HMGA2: variants seen among roughly 807,000 people sequenced by gnomAD.
HMGA2 encodes the protein high mobility group protein HMGI-C.
Under a neutral mutation model 19.1 loss-of-function variants are expected in HMGA2, and 8 were observed. The observed-to-expected ratio is 0.42, with a 90% CI of 0.25 to 0.76. The LOEUF is 0.76. HMGA2 is among the 30% of genes least tolerant of loss of function. The pLI is 0.28. For missense variants in HMGA2, 109 were observed against 136.3 expected (o/e 0.80, Z 1.00); for synonymous variants, 60 against 48.8 (o/e 1.23, Z -0.96).
intron 3 of HMGA2, among the ~76,000 whole-genome samples, chr12:65,885,931 T>G (rs114772161): frequency 0.028 from 4,220 of 152,260 alleles, 210 homozygotes; most frequent in African/African-American, 0.097. Context: ...TGCCCACCCC[T>G]TTCCTGGAAA....
intron 3 of HMGA2, among the ~76,000 whole-genome samples, chr12:65,911,811 A>G (rs1874857569): frequency 6.6e-6 from 1 of 152,196 alleles, no homozygotes; most frequent in African/African-American, 2.4e-5. Context: ...ATAAGAACTT[A>G]CCATGGTAAA....
intron 3 of HMGA2, among the ~76,000 whole-genome samples, chr12:65,912,180 T>C (rs1874874886): frequency 6.6e-6 from 1 of 152,220 alleles, no homozygotes; most frequent in South Asian, 2.1e-4. Flanking sequence ...AGGTAAATGA[T>C]AAATATTAAA....
intron 3 of HMGA2, chr12:65,842,676 T>A: frequency 6.5e-7 from 1 of 1,528,554 alleles, no homozygotes; most frequent in South Asian, 1.2e-5. Flanking sequence ...TGAAAAGAAG[T>A]ATTTCTGCTG....
chr12:65,841,565 G>T (rs148752332), intron 3 of HMGA2, among the ~76,000 whole-genome samples: 1 of 152,244 alleles, frequency 6.6e-6, no homozygotes, highest in East Asian at 1.9e-4. Context: ...AAATCATTGC[G>T]TTTTCCATAG....
intron 3 of HMGA2, among the ~76,000 whole-genome samples, chr12:65,914,549 C>T (rs1330604188): frequency 1.3e-5 from 2 of 150,710 alleles, no homozygotes; most frequent in African/African-American, 2.4e-5. Context: ...TGCTAGATGA[C>T]GAGTTAGTGG....
chr12:65,835,222 T>G (rs1404044768), intron 2 of HMGA2, among the ~76,000 whole-genome samples: 1 of 152,226 alleles, frequency 6.6e-6, no homozygotes, highest in African/African-American at 2.4e-5. Flanking sequence ...GTTTTGTTTG[T>G]CTTTTTTGAA....
chr12:65,912,715 G>A (rs905071277), intron 3 of HMGA2, among the ~76,000 whole-genome samples: 14 of 152,122 alleles, frequency 9.2e-5, no homozygotes, highest in Non-Finnish European at 1.8e-4. Flanking sequence ...TCCTGGATTT[G>A]GAATCTATTC....
intron 3 of HMGA2, chr12:65,881,455 T>TA (rs145784257): frequency 0.012 from 5,377 of 465,834 alleles, 244 homozygotes; most frequent in African/African-American, 0.094. Context: ...AAGACTTGGC[T>TA]AAAAAAAACC....
intron 2 of HMGA2, among the ~76,000 whole-genome samples, chr12:65,833,218 T>G (rs1237219538): frequency 6.6e-6 from 1 of 152,120 alleles, no homozygotes; most frequent in Non-Finnish European, 1.5e-5. Context: ...AAATGAGAAT[T>G]TCCTCAGTAC....
chr12:65,878,845 A>G (rs1052289804), intron 3 of HMGA2, among the ~76,000 whole-genome samples: 2 of 152,236 alleles, frequency 1.3e-5, no homozygotes, highest in African/African-American at 4.8e-5. Context: ...AGACTTATTC[A>G]TACTAGTCGA....
intron 3 of HMGA2, chr12:65,914,701 T>G: frequency 3.4e-6 from 1 of 291,720 alleles, no homozygotes; most frequent in Non-Finnish European, 6.7e-6. Context: ...TGAGACGGAG[T>G]CTTGTTTTTG....
At chr12:65,943,625 C>T (rs1472287981) in intron 3 of HMGA2, among the ~76,000 whole-genome samples, 5 of 152,120 alleles carry the variant, frequency 3.3e-5, no homozygotes, top group Non-Finnish European at 7.3e-5. Flanking sequence ...AAATAAAGAA[C>T]ACTTCCCCTC....
chr12:65,839,026 T>G (rs1182480715), intron 3 of HMGA2, among the ~76,000 whole-genome samples: 1 of 146,104 alleles, frequency 6.8e-6, no homozygotes, highest in Non-Finnish European at 1.5e-5. Flanking sequence ...TCTCCATGGC[T>G]TTTGTTTGGA....
chr12:65,889,832 G>C (rs1316281481), intron 3 of HMGA2, among the ~76,000 whole-genome samples: 1 of 152,168 alleles, frequency 6.6e-6, no homozygotes, highest in Non-Finnish European at 1.5e-5. Flanking sequence ...GCTGATGAAT[G>C]AAAGAGCCAG....
chr12:65,867,986 T>C, intron 3 of HMGA2, among the ~76,000 whole-genome samples: 1 of 152,248 alleles, frequency 6.6e-6, no homozygotes, highest in Non-Finnish European at 1.5e-5. Context: ...AAAACAGATG[T>C]CACAAGCACC....
Position 65,866,689 on chromosome 12 carries a change from A to G in HMGA2, c.249+28120A>G, listed in dbSNP as rs1872431979. 1.5e-5 allele frequency: 6 copies of G among 404,850 alleles called. 1 individual carries two copies. Among genetic ancestry groups the G allele is most frequent in the Admixed American group, 1.1e-4 (4 of 36,386 alleles). 25.1% of individuals were successfully genotyped at this position (404,850 alleles called of 1,614,324 possible). On this transcript the variant is annotated intron_variant, in intron 3 of 4. Transcript: ENST00000403681. ...AAGTGAAATAAACATTACCTCTTGT[A>G]CCTTAGCCCGCTTCTCATTCTTCAT...
At chr12:65,894,585 A>G (rs558205718) in intron 3 of HMGA2, among the ~76,000 whole-genome samples, 58 of 152,362 alleles carry the variant, frequency 3.8e-4, no homozygotes, top group African/African-American at 1.2e-3. Context: ...CAGTCCAGAC[A>G]TAGGTGGAAA....
At chr12:65,890,615 C>T (rs1873861211) in intron 3 of HMGA2, among the ~76,000 whole-genome samples, 2 of 152,142 alleles carry the variant, frequency 1.3e-5, no homozygotes, top group Admixed American at 1.3e-4. Context: ...TCCCTCACAA[C>T]CCCCATGCAC....
chr12:65,872,373 C>T (rs543232490), intron 3 of HMGA2, among the ~76,000 whole-genome samples: 2 of 152,286 alleles, frequency 1.3e-5, no homozygotes, highest in Non-Finnish European at 2.9e-5. Flanking sequence ...TCTTTCTCTA[C>T]CTGCCCTCTG....
Sources: allele counts gnomAD v4.1 joint callset (sites outside exome capture counted in the v4.1 genomes callset), GRCh38; gene constraint gnomAD v4.1.1; transcripts MANE v1.5; gene names NCBI Gene and HGNC (gene_info 2026-07-23, HGNC 2026-07-21).